The following DCC variants were observed in gnomAD, a reference collection of about 807,000 sequenced individuals.
DCC encodes the protein DCC netrin 1 receptor, also known as netrin receptor DCC.
DCC carries 58 observed loss-of-function variants against 172.5 expected under a neutral mutation model. The observed-to-expected ratio is 0.34, with a 90% CI of 0.27 to 0.42. The LOEUF (loss-of-function observed/expected upper bound fraction) is 0.42, where lower values mean the gene tolerates loss of function less well. Ranked by LOEUF, DCC falls within the 10% of genes least tolerant of loss-of-function variation. The pLI is 1.00. For missense variants in DCC, 1,740 were observed against 1,791.0 expected (o/e 0.97, Z 0.51); for synonymous variants, 709 against 644.5 (o/e 1.10, Z -1.52).
At chr18:52,808,646 G>C (rs2038134379) in intron 2 of DCC, among the ~76,000 whole-genome samples, 1 of 152,156 alleles carries the variant, frequency 6.6e-6, no homozygotes. Flanking sequence ...ATAAATCCAA[G>C]GGAGTGTCTC....
chr18:52,505,829 T>A (rs923756889), intron 1 of DCC, among the ~76,000 whole-genome samples: 3 of 152,218 alleles, frequency 2.0e-5, no homozygotes, highest in Admixed American at 2.0e-4. Context: ...CATCTGATTC[T>A]GTCAGAATAG....
chr18:52,360,490 T>C (rs557896670), intron 1 of DCC, among the ~76,000 whole-genome samples: 11 of 152,190 alleles, frequency 7.2e-5, no homozygotes, highest in Non-Finnish European at 1.6e-4. Flanking sequence ...GCCAACAAAG[T>C]GCTGTGCTAT....
chr18:52,544,278 G>A (rs971083779), intron 1 of DCC, among the ~76,000 whole-genome samples: 12 of 152,084 alleles, frequency 7.9e-5, no homozygotes, highest in Admixed American at 2.0e-4. Context: ...GGCTCTTCCC[G>A]ACATTTTCAC....
At chr18:52,481,586 C>A (rs938269751) in intron 1 of DCC, among the ~76,000 whole-genome samples, 1 of 151,662 alleles carries the variant, frequency 6.6e-6, no homozygotes, top group Admixed American at 6.6e-5. Flanking sequence ...TTTTTTAAAC[C>A]AAGGTTACGT....
intron 22 of DCC, among the ~76,000 whole-genome samples, chr18:53,440,599 T>C (rs1912214654): frequency 6.6e-6 from 1 of 152,044 alleles, no homozygotes; most frequent in Non-Finnish European, 1.5e-5. Flanking sequence ...CCAAGGTTGG[T>C]AACTATTAGA....
intron 12 of DCC, among the ~76,000 whole-genome samples, chr18:53,279,097 C>T (rs1051049384): frequency 2.0e-5 from 3 of 152,136 alleles, no homozygotes; most frequent in Admixed American, 1.3e-4. Flanking sequence ...TTTCAATGAT[C>T]GCCATTCTAA....
rs75795342 is a variant in DCC, at chr18:53,028,247, C to A, written c.986-35058C>A. On this transcript the variant is annotated intron_variant, in intron 5 of 28. Transcript: ENST00000442544. ...GCCTCAGGTACCATTAGCAGCAGCA[C>A]TCTTTTCGTTTTGTTTTGATTTTTG... 2.8e-3 allele frequency among the ~76,000 whole-genome samples: 428 copies of A among 152,182 alleles called. 10 individuals are homozygous for A. The East Asian group carries it at 0.052, about 18-fold the overall frequency.
At chr18:53,050,701 A>G (rs564590708) in intron 5 of DCC, among the ~76,000 whole-genome samples, 1 of 152,256 alleles carries the variant, frequency 6.6e-6, no homozygotes, top group South Asian at 2.1e-4. Context: ...CTCTAAATAT[A>G]GAATCATGTT....
intron 7 of DCC, among the ~76,000 whole-genome samples, chr18:53,083,775 T>C (rs2042838610): frequency 6.6e-6 from 1 of 152,230 alleles, no homozygotes; most frequent in Non-Finnish European, 1.5e-5. Flanking sequence ...CCTTACTATG[T>C]TTCCAGATAT....
At chr18:52,787,109 T>C (rs892851746) in intron 2 of DCC, among the ~76,000 whole-genome samples, 8 of 152,134 alleles carry the variant, frequency 5.3e-5, no homozygotes, top group South Asian at 2.1e-4. Context: ...TATGTTTCCT[T>C]GAGTCTAAAA....
intron 7 of DCC, among the ~76,000 whole-genome samples, chr18:53,115,472 T>A (rs1241448064): frequency 4.0e-5 from 6 of 151,332 alleles, no homozygotes; most frequent in African/African-American, 1.2e-4. Flanking sequence ...GTGACTTAAT[T>A]GAATGAAATG....
At chr18:52,357,006 A>G (rs1199357535) in intron 1 of DCC, among the ~76,000 whole-genome samples, 1 of 152,116 alleles carries the variant, frequency 6.6e-6, no homozygotes, top group Non-Finnish European at 1.5e-5. Flanking sequence ...GCTGGTCTTG[A>G]ACTCCTGATG....
At chr18:52,475,081 G>T (rs1210999672) in intron 1 of DCC, among the ~76,000 whole-genome samples, 1 of 152,128 alleles carries the variant, frequency 6.6e-6, no homozygotes, top group Non-Finnish European at 1.5e-5. Flanking sequence ...CCCCCACATT[G>T]ACAAGTGAAG....
chr18:52,433,481 C>G (rs1987690661), intron 1 of DCC, among the ~76,000 whole-genome samples: 1 of 152,012 alleles, frequency 6.6e-6, no homozygotes, highest in Admixed American at 6.6e-5. Flanking sequence ...ACATCAAGTC[C>G]AATTTTGTAC....
chr18:53,020,008 A>G (rs2041857327), intron 5 of DCC, among the ~76,000 whole-genome samples: 2 of 152,166 alleles, frequency 1.3e-5, no homozygotes, highest in African/African-American at 4.8e-5. Flanking sequence ...ACTAAAAGTG[A>G]TCAGACTTGG....
rs370927048 is a variant in DCC at position 53,410,578 on chromosome 18, G to T, written c.3062G>T (p.Arg1021Leu). ...DLNLDTMYYF[R>L]IQARNSKGVG... ...AACCTTGATACTATGTATTACTTTC[G>T]AATTCAAGCACGAAATTCAAAAGGA... The change falls in exon 20 of 29, where the codon CGA becomes CTA. Residue 1021 changes from arginine (R) to leucine (L), a missense_variant. Transcript: ENST00000442544. 5 of 1,611,302 alleles carry T rather than the reference G, an allele frequency of 3.1e-6. No individual in the cohort carries two copies. The highest frequency in any genetic ancestry group is 2.7e-5 in the African/African-American group (2 of 74,818).
chr18:52,537,350 A>C (rs1276730143), intron 1 of DCC, among the ~76,000 whole-genome samples: 1 of 152,332 alleles, frequency 6.6e-6, no homozygotes, highest in South Asian at 2.1e-4. Flanking sequence ...GAATTTTGAA[A>C]TTATTAGCTT....
At chr18:53,363,271 A>G (rs1315102956) in intron 15 of DCC, among the ~76,000 whole-genome samples, 11 of 152,180 alleles carry the variant, frequency 7.2e-5, no homozygotes, top group South Asian at 2.1e-4. Context: ...CTGAAATTCT[A>G]TAGCAATTTT....
intron 8 of DCC, among the ~76,000 whole-genome samples, chr18:53,171,121 G>C (rs749068347): frequency 6.6e-6 from 1 of 152,130 alleles, no homozygotes; most frequent in Non-Finnish European, 1.5e-5. Flanking sequence ...CTGACCTCAA[G>C]TGATCTGCCT....
Sources: allele counts gnomAD v4.1 joint callset (sites outside exome capture counted in the v4.1 genomes callset), GRCh38; gene constraint gnomAD v4.1.1; transcripts MANE v1.5; gene names NCBI Gene and HGNC (gene_info 2026-07-23, HGNC 2026-07-21).